TRAPPC9: variants seen among roughly 807,000 people sequenced by gnomAD.
TRAPPC9 encodes trafficking protein particle complex subunit 9.
Under a neutral mutation model 124.0 loss-of-function variants are expected in TRAPPC9, and 83 were observed. The ratio of observed to expected loss-of-function variants is 0.67; its 90% CI spans 0.56 to 0.80. The LOEUF is 0.80. Ranked by LOEUF, TRAPPC9 falls within the 30% of genes least tolerant of loss-of-function variation. The probability of loss-of-function intolerance (pLI) is 0.00; values close to 1 mark genes in which losing one functional copy is unlikely to be tolerated. For missense variants in TRAPPC9, 1,302 were observed against 1,508.3 expected, an observed-to-expected ratio of 0.86 and a Z score of 2.27; for synonymous variants, 638 against 617.5, an observed-to-expected ratio of 1.03 and a Z score of -0.49.
intron 18 of TRAPPC9, among the ~76,000 whole-genome samples, chr8:140,012,182 A>G (rs1205131841): frequency 6.6e-6 from 1 of 152,166 alleles, no homozygotes; most frequent in Non-Finnish European, 1.5e-5. Context: ...AAAACGTATT[A>G]TTTTATATAA....
intron 19 of TRAPPC9, among the ~76,000 whole-genome samples, chr8:139,964,052 G>C (rs1315304576): frequency 6.6e-6 from 1 of 151,876 alleles, no homozygotes; most frequent in Non-Finnish European, 1.5e-5. Flanking sequence ...GTGAAACCTT[G>C]TCTGTACTAA....
At chr8:140,032,724 A>T (rs893640765) in intron 17 of TRAPPC9, among the ~76,000 whole-genome samples, 1 of 152,232 alleles carries the variant, frequency 6.6e-6, no homozygotes. Context: ...CTTTCCATAC[A>T]TGAAGATATT....
At position 140,097,906 on chromosome 8, in the gene TRAPPC9, T is replaced by A. The variant is rs2060484760; in HGVS notation, c.2557-73827A>T. 1 of 152,306 alleles carries A rather than the reference T, an allele frequency of 6.6e-6. No homozygotes were observed. The highest frequency in any genetic ancestry group is 6.5e-5 in the Admixed American group (1 of 15,276). 9.4% of individuals were successfully genotyped at this position (152,306 alleles called of 1,614,324 possible). On this transcript the variant is annotated intron_variant, in intron 17 of 22. Coordinates refer to ENST00000438773, the MANE Select transcript of TRAPPC9 (RefSeq NM_001160372.4). The surrounding 1 kb of genome is among the most constrained non-coding windows in gnomAD (Gnocchi z 4.2). ...CCAGCTCATGTCCTCAATGAGCAGC[T>A]GCAGAATTGCCGCCGTCTGAAGGAT...
chr8:140,016,602 C>G (rs915511742), intron 18 of TRAPPC9, among the ~76,000 whole-genome samples: 1 of 152,082 alleles, frequency 6.6e-6, no homozygotes, highest in African/African-American at 2.4e-5. Flanking sequence ...TTGTGCTGAC[C>G]CCATTTTGTT....
intron 21 of TRAPPC9, among the ~76,000 whole-genome samples, chr8:139,795,622 A>C (rs1823000136): frequency 6.6e-6 from 1 of 152,184 alleles, no homozygotes; most frequent in African/African-American, 2.4e-5. Flanking sequence ...GAGTACTTAC[A>C]GTCATCATTT....
Position 139,805,886 on chromosome 8 carries a change from G to A in TRAPPC9, c.3056-73684C>T, listed in dbSNP as rs113780226. ...ACTGAACTAAAATGCAAGCCTGTAA[G>A]TGTCTCAATGTATAAAAGCCTGGTT... On this transcript the variant is annotated intron_variant, in intron 21 of 22. Coordinates refer to ENST00000438773, the MANE Select transcript of TRAPPC9 (RefSeq NM_001160372.4). 9.6e-3 allele frequency among the ~76,000 whole-genome samples: 1,457 copies of A among 152,342 alleles called. 7 individuals are homozygous for A. Among genetic ancestry groups the A allele is most frequent in the Middle Eastern group, 0.017 (5 of 294 alleles).
chr8:140,273,395 G>A (rs1050788907), intron 15 of TRAPPC9, among the ~76,000 whole-genome samples: 7 of 152,182 alleles, frequency 4.6e-5, no homozygotes, highest in Admixed American at 4.6e-4. Flanking sequence ...ACACAAGGAG[G>A]GACCTGGCCA....
At chr8:139,876,914 GCAC>G (rs1829355872) in intron 21 of TRAPPC9, among the ~76,000 whole-genome samples, 1 of 152,214 alleles carries the variant, frequency 6.6e-6, no homozygotes, top group Admixed American at 6.5e-5. Context: ...AAATGTGAGA[GCAC>G]CACATCTCCT....
At chr8:140,250,786 G>C (rs2064114775) in intron 16 of TRAPPC9, among the ~76,000 whole-genome samples, 1 of 152,084 alleles carries the variant, frequency 6.6e-6, no homozygotes, top group Non-Finnish European at 1.5e-5. Flanking sequence ...AATAAAGGGG[G>C]CATCTCATGA....
rs906324083 is a variant in TRAPPC9 at position 139,743,855 on chromosome 8, G to A, written c.3056-11653C>T. Among the ~76,000 whole-genome samples the A allele has an allele frequency of 1.1e-4, 16 of 152,224 alleles. 1 individual carries two copies. Among genetic ancestry groups the A allele is most frequent in the African/African-American group, 3.6e-4 (15 of 41,536 alleles). ...TGTGGTTGGTTGCTAGCTACTCAAT[G>A]CCCCCCAGTCCAGCATGTTTTCCCT... On this transcript the variant is annotated intron_variant, in intron 21 of 22. Coordinates refer to ENST00000438773, the MANE Select transcript of TRAPPC9 (RefSeq NM_001160372.4).
At chr8:139,790,045 G>A (rs1156883388) in intron 21 of TRAPPC9, among the ~76,000 whole-genome samples, 1 of 152,194 alleles carries the variant, frequency 6.6e-6, no homozygotes, top group Non-Finnish European at 1.5e-5. Flanking sequence ...GGAACATGAC[G>A]CCGCGTCGCT....
At chr8:140,024,816 G>A (rs1840035340) in intron 17 of TRAPPC9, among the ~76,000 whole-genome samples, 1 of 151,830 alleles carries the variant, frequency 6.6e-6, no homozygotes, top group African/African-American at 2.4e-5. Flanking sequence ...TTCAACATCA[G>A]ATGAGGTGAC....
Position 139,883,924 on chromosome 8 carries a change from A to G in TRAPPC9, c.3055+1955T>C, listed in dbSNP as rs367685311. Among the ~76,000 whole-genome samples, 3 of 152,230 alleles carry G rather than the reference A, an allele frequency of 2.0e-5. No individual in the cohort carries two copies. In the East Asian group the frequency reaches 5.8e-4, roughly 30 times the overall value. On this transcript the variant is annotated intron_variant, in intron 21 of 22. Transcript: ENST00000438773. ...CCTCACTCACGGGACTGTGGTGAGG[A>G]GTGCGTGGCAGCTCTTATGCAAAAT...
At chr8:139,985,017 G>T (rs746496619) in intron 19 of TRAPPC9, among the ~76,000 whole-genome samples, 1 of 152,170 alleles carries the variant, frequency 6.6e-6, no homozygotes, top group Non-Finnish European at 1.5e-5. Context: ...TTCTCAGCAC[G>T]CCTGAAGCCT....
intron 21 of TRAPPC9, among the ~76,000 whole-genome samples, chr8:139,883,258 G>T (rs1486826362): frequency 6.6e-6 from 1 of 152,268 alleles, no homozygotes; most frequent in Non-Finnish European, 1.5e-5. Context: ...CCAGCAGCAA[G>T]AGGGCCCTCG....
intron 19 of TRAPPC9, among the ~76,000 whole-genome samples, chr8:139,976,886 G>A (rs970722805): frequency 2.0e-5 from 3 of 152,178 alleles, no homozygotes; most frequent in African/African-American, 7.2e-5. Flanking sequence ...TGGGGGAGCT[G>A]TAGGGGGAGA....
chr8:140,028,755 T>C (rs1360603248), intron 17 of TRAPPC9, among the ~76,000 whole-genome samples: 1 of 152,146 alleles, frequency 6.6e-6, no homozygotes, highest in African/African-American at 2.4e-5. Flanking sequence ...TCTGAGTAAA[T>C]TGTGACACGT....
chr8:139,902,003 T>C (rs1587147554), intron 20 of TRAPPC9, among the ~76,000 whole-genome samples: 1 of 152,246 alleles, frequency 6.6e-6, no homozygotes, highest in East Asian at 1.9e-4. Context: ...GCTCTGTAAC[T>C]TTATGATTCT....
chr8:140,076,117 C>G (rs755958153), intron 17 of TRAPPC9, among the ~76,000 whole-genome samples: 2 of 152,206 alleles, frequency 1.3e-5, no homozygotes, highest in South Asian at 4.1e-4. Flanking sequence ...GATGGAGAGA[C>G]GCAAGCTGTC....
Sources: allele counts gnomAD v4.1 joint callset (sites outside exome capture counted in the v4.1 genomes callset), GRCh38; gene constraint gnomAD v4.1.1; non-coding constraint Gnocchi (gnomAD v3.1); transcripts MANE v1.5; gene names NCBI Gene and HGNC (gene_info 2026-07-23, HGNC 2026-07-21).